RAB39B: variants seen among roughly 807,000 people sequenced by gnomAD.
The protein encoded by RAB39B is ras-related protein Rab-39B.
For synonymous variants in RAB39B, 63 were observed against 67.5 expected (o/e 0.93, Z 0.33); for missense variants, 68 against 171.3 (o/e 0.40, Z 3.37).
chrX:155,260,891 C>T lies in RAB39B; in HGVS notation c.554G>A (p.Gly185Asp). 1 of 1,211,452 alleles carries T rather than the reference C, an allele frequency of 8.3e-7. No homozygotes were observed. The highest frequency in any genetic ancestry group is 1.1e-6 in the Non-Finnish European group (1 of 895,063). Residue 185 changes from glycine (G) to aspartate (D), a missense_variant, in exon 2 of 2, where the codon GGC becomes GAC. Coordinates refer to ENST00000369454, the MANE Select transcript of RAB39B (RefSeq NM_171998.4). ...AAATCCACTCTTCACCCCTTCCCAG[C>T]CCTCCTGGATTGTAATCTCCCCCCT... Reference protein sequence around the residue: ...VKRGEITIQEGWEGVKSGFVP... With the variant: ...VKRGEITIQEDWEGVKSGFVP...
chrX:155,263,456 T>C (rs1233022649), intron 1 of RAB39B, among the ~76,000 whole-genome samples: 1 of 112,375 alleles, frequency 8.9e-6, no homozygotes, highest in Non-Finnish European at 1.9e-5. Context: ...TTCCCTCAAC[T>C]ATGTTAGCAC....
chrX:155,263,056 A>G (rs1557314435), intron 1 of RAB39B, among the ~76,000 whole-genome samples: 1 of 112,056 alleles, frequency 8.9e-6, no homozygotes, highest in African/African-American at 3.2e-5. Context: ...TGGGCTATTG[A>G]GTTTTCTTGA....
At chrX:155,262,320 T>C (rs782489581) in intron 1 of RAB39B, among the ~76,000 whole-genome samples, 1 of 112,258 alleles carries the variant, frequency 8.9e-6, no homozygotes, top group Non-Finnish European at 1.9e-5. Flanking sequence ...CCAAGCTAGA[T>C]GATGGTAAAA....
chrX:155,259,375 A>C lies in RAB39B; in HGVS notation c.*1428T>G, dbSNP rs1057515831. ...GACTCTCTTGGGTAGACAGGAACTC[A>C]GTGTACGTATATGGCAGACAGGTGG... is the stretch of plus-strand genomic sequence containing the variant. On this transcript the variant is annotated 3_prime_UTR_variant, in exon 2 of 2. Transcript: ENST00000369454. The C allele has an allele frequency of 9.0e-6, 1 of 111,645 alleles. No homozygotes were observed. The highest frequency in any genetic ancestry group is 1.9e-5 in the Non-Finnish European group (1 of 53,141). 9.2% of individuals were successfully genotyped at this position (111,645 alleles called of 1,213,427 possible).
rs781967128 is a variant in RAB39B, at chrX:155,264,395, G to A, written c.-107C>T. On this transcript the variant is annotated 5_prime_UTR_variant, in exon 1 of 2. Coordinates refer to ENST00000369454, the MANE Select transcript of RAB39B (RefSeq NM_171998.4). ...TCGGCAGGATCTAGCTCAGCCGCGA[G>A]CGCATCGCTGGCCTGGGAGCCCGAA... 13 of 767,696 alleles carry A rather than the reference G, an allele frequency of 1.7e-5. No individual in the cohort carries two copies. The East Asian group carries it at 3.9e-4, about 23-fold the overall frequency. 63.3% of individuals were successfully genotyped at this position (767,696 alleles called of 1,213,427 possible). A position where few individuals can be genotyped will look rare whatever the true frequency, so the allele number is the denominator to read the frequency against.
At position 155,260,780 on chromosome X, in the gene RAB39B, T is replaced by C; in HGVS notation, c.*23A>G. ...ACTTTTCAGTTCAAGTAGGAGAGCA[T>C]GTTTTGGAAATAAAAGAACTGACTA... is the stretch of plus-strand genomic sequence containing the variant. On this transcript the variant is annotated 3_prime_UTR_variant, in exon 2 of 2. Transcript: ENST00000369454. The C allele has an allele frequency of 8.4e-7, 1 of 1,191,549 alleles. No homozygotes were observed. The highest frequency in any genetic ancestry group is 1.1e-6 in the Non-Finnish European group (1 of 876,867).
At chrX:155,263,931 G>C (rs1399187710) in intron 1 of RAB39B, 143 bp downstream of exon 1, 1 of 578,341 alleles carries the variant, frequency 1.7e-6, no homozygotes, top group East Asian at 3.6e-5. Flanking sequence ...CGGGTTAGCC[G>C]AAGGTGGGCT....
rs1356459055 is a variant in RAB39B at position 155,260,731 on chromosome X, A to G, written c.*72T>C. 2 of 1,058,797 alleles carry G rather than the reference A, an allele frequency of 1.9e-6. No homozygotes were observed. Among genetic ancestry groups the G allele is most frequent in the Non-Finnish European group, 2.6e-6 (2 of 758,479 alleles). The allele number at this position is 1,058,797 out of a possible 1,213,427, so 87.3% of individuals were successfully genotyped here. On this transcript the variant is annotated 3_prime_UTR_variant, in exon 2 of 2. Coordinates refer to ENST00000369454, the MANE Select transcript of RAB39B (RefSeq NM_171998.4). ...TGGAGGTTGAGTTCTCATCAGTTAC[A>G]CAAAGATTCTATTTATTTCTCTTAC...
intron 1 of RAB39B, among the ~76,000 whole-genome samples, chrX:155,261,845 T>A (rs1375641087): frequency 9.1e-6 from 1 of 109,454 alleles, no homozygotes; most frequent in Non-Finnish European, 1.9e-5. Flanking sequence ...TGTTTATTAT[T>A]ATTATTATTA....
At position 155,261,039 on chromosome X, in the gene RAB39B, G is replaced by C. The variant is rs1557314218; in HGVS notation, c.406C>G (p.His136Asp). The C allele has an allele frequency of 8.3e-7, 1 of 1,211,457 alleles. No individual in the cohort carries two copies. The highest frequency in any genetic ancestry group is 1.1e-6 in the Non-Finnish European group (1 of 895,290). Residue 136 changes from histidine to aspartate, a missense_variant, in exon 2 of 2, where the codon CAC becomes GAC. By Grantham distance (81) the His-to-Asp change is moderately conservative (BLOSUM62 -1). Coordinates refer to ENST00000369454, the MANE Select transcript of RAB39B (RefSeq NM_171998.4). ...GCAGCAGCCAGTTTCTCGGCCTCGT[G>C]GCGAGTCACTTGCCTCTGTGTATCC... ...DLDTQRQVTR[H>D]EAEKLAAAYG...
At position 155,260,672 on chromosome X, in the gene RAB39B, TC is replaced by T. The variant is rs1444121537; in HGVS notation, c.*130del. ...CCACCCGCACACGAGTCTGTCAGAGTCCCCCTGAGAGGGAGGCTCACTTGGT... is the reference window on the plus strand; with the variant it reads ...CCACCCGCACACGAGTCTGTCAGAGTCCCCTGAGAGGGAGGCTCACTTGGT... On this transcript the variant is annotated 3_prime_UTR_variant, in exon 2 of 2. Transcript: ENST00000369454. 7 of 685,961 alleles carry T rather than the reference TC, an allele frequency of 1.0e-5. No homozygotes were observed. The highest frequency in any genetic ancestry group is 1.6e-5 in the Non-Finnish European group (7 of 432,473). The allele number at this position is 685,961 out of a possible 1,213,427, so 56.5% of individuals were successfully genotyped here. A position where few individuals can be genotyped will look rare whatever the true frequency, so the allele number is the denominator to read the frequency against.
At chrX:155,263,948 G>T (rs2074860891) in intron 1 of RAB39B, 126 bp downstream of exon 1, 1 of 658,850 alleles carries the variant, frequency 1.5e-6, no homozygotes, top group African/African-American at 2.2e-5. Context: ...GGCTTCGGCA[G>T]AATCCTCAAG....
In RAB39B at chrX:155,263,366, C is replaced by T. The variant is rs190400440; in HGVS notation, c.215+708G>A. 1.1e-4 allele frequency among the ~76,000 whole-genome samples: 12 copies of T among 112,758 alleles called. No homozygotes were observed. The East Asian group carries it at 2.8e-3, about 26-fold the overall frequency. ...TTCATTGATTGAAATTAAGCATGTT[C>T]ATTTTGTGCCAAGTGTTACAGTAGG... is the stretch of plus-strand genomic sequence containing the variant. On this transcript the variant is annotated intron_variant, in intron 1 of 1. Coordinates refer to ENST00000369454, the MANE Select transcript of RAB39B (RefSeq NM_171998.4).
In RAB39B at chrX:155,264,345, C is replaced by T; in HGVS notation, c.-57G>A. On this transcript the variant is annotated 5_prime_UTR_variant, in exon 1 of 2. Transcript: ENST00000369454. ...ACCGGGGACGGCGGGAGGGGGCGCCCCGCCGACGCCTCAGAGAGCGCGGCT... is the reference window on the plus strand; with the variant it reads ...ACCGGGGACGGCGGGAGGGGGCGCCTCGCCGACGCCTCAGAGAGCGCGGCT... 1 of 1,063,184 alleles carries T rather than the reference C, an allele frequency of 9.4e-7. No homozygotes were observed. Among genetic ancestry groups the T allele is most frequent in the Non-Finnish European group, 1.3e-6 (1 of 762,143 alleles). The allele number at this position is 1,063,184 out of a possible 1,213,427, so 87.6% of individuals were successfully genotyped here.
intron 1 of RAB39B, among the ~76,000 whole-genome samples, chrX:155,263,123 A>G (rs1456944522): frequency 2.7e-5 from 3 of 111,625 alleles, no homozygotes; most frequent in Non-Finnish European, 5.6e-5. Context: ...TTTTCTGTGT[A>G]CACTCTGCTC....
In RAB39B at chrX:155,261,336, A is replaced by T. The variant is rs1657421330; in HGVS notation, c.216-107T>A. 5.0e-6 allele frequency: 3 copies of T among 605,304 alleles called. No individual in the cohort carries two copies. In the Admixed American group the frequency reaches 8.5e-5, roughly 17 times the overall value. 49.9% of individuals were successfully genotyped at this position (605,304 alleles called of 1,213,427 possible). ...CTGGTTAGTGACACAGTCCTTTAATAAAAATGATTTTCTTTTTTTTTAAAA... is the reference window on the plus strand; with the variant it reads ...CTGGTTAGTGACACAGTCCTTTAATTAAAATGATTTTCTTTTTTTTTAAAA... On this transcript the variant is annotated intron_variant, in intron 1 of 1. Coordinates refer to ENST00000369454, the MANE Select transcript of RAB39B (RefSeq NM_171998.4).
At position 155,260,750 on chromosome X, in the gene RAB39B, C is replaced by A; in HGVS notation, c.*53G>T. 1 of 1,110,730 alleles carries A rather than the reference C, an allele frequency of 9.0e-7. No individual in the cohort carries two copies. Among genetic ancestry groups the A allele is most frequent in the Non-Finnish European group, 1.2e-6 (1 of 803,582 alleles). 91.5% of individuals were successfully genotyped at this position (1,110,730 alleles called of 1,213,427 possible). ...AGTTACACAAAGATTCTATTTATTT[C>A]TCTTACTTTTCAGTTCAAGTAGGAG... On this transcript the variant is annotated 3_prime_UTR_variant, in exon 2 of 2. Transcript: ENST00000369454.
In RAB39B at chrX:155,258,606, C is replaced by A. The variant is rs1472262297; in HGVS notation, c.*2197G>T. The A allele has an allele frequency of 2.7e-5, 3 of 112,431 alleles. No homozygotes were observed. The highest frequency in any genetic ancestry group is 9.7e-5 in the African/African-American group (3 of 30,962). 9.3% of individuals were successfully genotyped at this position (112,431 alleles called of 1,213,427 possible). A position where few individuals can be genotyped will look rare whatever the true frequency, so the allele number is the denominator to read the frequency against. ...TATTTAAGCAATTAAGCTCAGCCAC[C>A]TCTGCTGGATTTATGCTGAATATTT... On this transcript the variant is annotated 3_prime_UTR_variant, in exon 2 of 2. Coordinates refer to ENST00000369454, the MANE Select transcript of RAB39B (RefSeq NM_171998.4).
rs370262046 is a variant in RAB39B at position 155,261,175 on chromosome X, G to A, written c.270C>T (p.Asp90=). 4.1e-6 allele frequency: 5 copies of A among 1,207,909 alleles called. No individual in the cohort carries two copies. In the African/African-American group the frequency reaches 8.8e-5, roughly 21 times the overall value. Reference sequence around the variant, plus strand: ...TCTGGAAGGACCTGCGGTTGGTAATGTCAAATAAGAGAAGACCACCTACTG... The same window carrying A: ...TCTGGAAGGACCTGCGGTTGGTAATATCAAATAAGAGAAGACCACCTACTG... ...RNSVGGLLLF[D]ITNRRSFQNV... Residue 90 remains aspartate, a synonymous_variant, in exon 2 of 2, where the codon GAC becomes GAT. Transcript: ENST00000369454.
Sources: allele counts gnomAD v4.1 joint callset (sites outside exome capture counted in the v4.1 genomes callset), GRCh38; gene constraint gnomAD v4.1.1; transcripts MANE v1.5; gene names NCBI Gene and HGNC (gene_info 2026-07-23, HGNC 2026-07-21).